LDB2: variants seen among roughly 807,000 people sequenced by gnomAD.
The protein encoded by LDB2 is LIM domain-binding protein 2.
LDB2 carries 12 observed loss-of-function variants against 44.3 expected under a neutral mutation model. The observed-to-expected ratio is 0.27, with a 90% CI of 0.17 to 0.44. The LOEUF (loss-of-function observed/expected upper bound fraction) is 0.44, where lower values mean the gene tolerates loss of function less well. LDB2 is among the 20% of genes least tolerant of loss of function. The pLI, the probability that LDB2 is intolerant of heterozygous loss-of-function variation, is 1.00. For missense variants in LDB2, 344 were observed against 473.5 expected (o/e 0.73, Z 2.54); for synonymous variants, 164 against 174.8 (o/e 0.94, Z 0.49).
intron 2 of LDB2, among the ~76,000 whole-genome samples, chr4:16,648,375 C>A (rs1737353169): frequency 6.6e-6 from 1 of 152,230 alleles, no homozygotes; most frequent in Admixed American, 6.5e-5. Flanking sequence ...CTGCCACAGA[C>A]TTTCTGGGGA....
intron 5 of LDB2, among the ~76,000 whole-genome samples, chr4:16,523,460 T>C (rs951681350): frequency 2.6e-5 from 4 of 152,200 alleles, no homozygotes; most frequent in African/African-American, 7.2e-5. Flanking sequence ...CTCTGACATA[T>C]CTGAATGGCC....
chr4:16,557,504 T>G (rs969531449), intron 5 of LDB2, among the ~76,000 whole-genome samples: 4 of 152,264 alleles, frequency 2.6e-5, no homozygotes, highest in Non-Finnish European at 4.4e-5. Context: ...GCAGCGAGGC[T>G]GGGGGAGGGG....
At chr4:16,794,415 A>T (rs1454213742) in intron 1 of LDB2, among the ~76,000 whole-genome samples, 2 of 152,112 alleles carry the variant, frequency 1.3e-5, no homozygotes, top group African/African-American at 4.8e-5. Context: ...TGTGCAACAG[A>T]TCTCTATGAA....
At chr4:16,628,626 G>A (rs1327233831) in intron 2 of LDB2, among the ~76,000 whole-genome samples, 8 of 151,286 alleles carry the variant, frequency 5.3e-5, no homozygotes, top group Admixed American at 1.3e-4. Context: ...TGAGTCACCC[G>A]GGGTCACTTC....
intron 5 of LDB2, among the ~76,000 whole-genome samples, chr4:16,548,769 TCA>T (rs1736648105): frequency 6.6e-6 from 1 of 152,196 alleles, no homozygotes; most frequent in Admixed American, 6.5e-5. Context: ...TAATAGTCAC[TCA>T]CTATTTATAT....
chr4:16,892,480 C>T (rs748226472), intron 1 of LDB2, among the ~76,000 whole-genome samples: 3 of 152,130 alleles, frequency 2.0e-5, no homozygotes, highest in Admixed American at 6.5e-5. Context: ...CAGAAAATGA[C>T]GAAGGTATTT....
At chr4:16,592,943 A>C (rs1196965461) in intron 3 of LDB2, among the ~76,000 whole-genome samples, 1 of 152,186 alleles carries the variant, frequency 6.6e-6, no homozygotes, top group East Asian at 1.9e-4. Context: ...TCTGATTATT[A>C]AACCTTGTTT....
chr4:16,733,139 A>T (rs1761110021), intron 2 of LDB2, among the ~76,000 whole-genome samples: 1 of 152,200 alleles, frequency 6.6e-6, no homozygotes, highest in Non-Finnish European at 1.5e-5. Context: ...GTTCAGATCA[A>T]ATAGCAACAA....
chr4:16,753,540 G>A (rs1377891736), intron 2 of LDB2, among the ~76,000 whole-genome samples: 1 of 152,198 alleles, frequency 6.6e-6, no homozygotes, highest in African/African-American at 2.4e-5. Context: ...GTGTGGATTT[G>A]TGGTTCTTCA....
intron 2 of LDB2, among the ~76,000 whole-genome samples, chr4:16,646,304 G>A (rs973511147): frequency 2.6e-5 from 4 of 152,108 alleles, no homozygotes; most frequent in African/African-American, 9.7e-5. Context: ...TCTAGAACAA[G>A]TCAGTTTCAG....
chr4:16,874,893 A>T (rs1165698780), intron 1 of LDB2, among the ~76,000 whole-genome samples: 1 of 152,202 alleles, frequency 6.6e-6, no homozygotes, highest in Non-Finnish European at 1.5e-5. Flanking sequence ...ACTTGACAAA[A>T]ATTGGTCCAA....
At chr4:16,615,019 G>A (rs1261043651) in intron 2 of LDB2, among the ~76,000 whole-genome samples, 47 of 132,978 alleles carry the variant, frequency 3.5e-4, no homozygotes, top group Middle Eastern at 4.5e-3. Flanking sequence ...GCAGTGAGCC[G>A]AGATCCCGCC....
At chr4:16,874,156 G>C (rs964793771) in intron 1 of LDB2, among the ~76,000 whole-genome samples, 1 of 152,040 alleles carries the variant, frequency 6.6e-6, no homozygotes, top group Non-Finnish European at 1.5e-5. Flanking sequence ...CCAAAAACTC[G>C]TGGAAAACAT....
chr4:16,586,718 A>G (rs565148835), intron 4 of LDB2, among the ~76,000 whole-genome samples: 15 of 152,282 alleles, frequency 9.9e-5, no homozygotes, highest in South Asian at 2.1e-4. Flanking sequence ...GCCACACCAA[A>G]TGTTCTGTTT....
intron 1 of LDB2, among the ~76,000 whole-genome samples, chr4:16,887,761 T>C (rs1722183309): frequency 6.6e-6 from 1 of 152,028 alleles, no homozygotes; most frequent in South Asian, 2.1e-4. Context: ...TTTATAAAAG[T>C]TGATAAAAAT....
intron 7 of LDB2, among the ~76,000 whole-genome samples, chr4:16,504,102 C>G (rs1042961213): frequency 3.3e-5 from 5 of 152,090 alleles, no homozygotes; most frequent in African/African-American, 9.7e-5. Context: ...TAGCCAGATG[C>G]TTTTGGAGAT....
rs1719476886 is a variant in LDB2 at position 16,879,683 on chromosome 4, A to G, written c.132+18671T>C. Among the ~76,000 whole-genome samples the G allele has an allele frequency of 2.0e-5, 3 of 152,320 alleles. 1 individual carries two copies. Among genetic ancestry groups the G allele is most frequent in the Admixed American group, 2.0e-4 (3 of 15,300 alleles). Reference sequence around the variant, plus strand: ...CAGCTTTCTTGGGTCTCCAGCTTGCAAACAGCAGATCATGGGACTTCTCAG... The same window carrying G: ...CAGCTTTCTTGGGTCTCCAGCTTGCGAACAGCAGATCATGGGACTTCTCAG... On this transcript the variant is annotated intron_variant, in intron 1 of 7. Transcript: ENST00000304523.
At chr4:16,553,415 G>A (rs1738361277) in intron 5 of LDB2, among the ~76,000 whole-genome samples, 2 of 152,130 alleles carry the variant, frequency 1.3e-5, no homozygotes, top group African/African-American at 4.8e-5. Flanking sequence ...TCCCACCTCG[G>A]CCTTCCAAAG....
Position 16,674,166 on chromosome 4 carries a change from T to G in LDB2, c.236-78291A>C. The G allele has an allele frequency of 7.1e-6, 8 of 1,129,542 alleles. No individual in the cohort carries two copies. The South Asian group carries it at 1.0e-4, about 15-fold the overall frequency. The allele number at this position is 1,129,542 out of a possible 1,614,324, so 70.0% of individuals were successfully genotyped here. ...TTTACGCATTTCCAGAATTCACGCC[T>G]TAAAACAAATTAGAAATAGATTAAA... On this transcript the variant is annotated intron_variant, in intron 2 of 7. Coordinates refer to ENST00000304523, the MANE Select transcript of LDB2 (RefSeq NM_001290.5).
Sources: gnomAD v4.1 joint callset for allele counts (sites outside exome capture counted in the v4.1 genomes callset) on GRCh38, gnomAD v4.1.1 for gene constraint, MANE v1.5 for transcripts, NCBI Gene and HGNC (gene_info 2026-07-23, HGNC 2026-07-21) for gene names.